AUTS2: variants seen among roughly 807,000 people sequenced by gnomAD.
AUTS2 encodes activator of transcription and developmental regulator AUTS2.
In AUTS2, 17 loss-of-function variants were observed where a neutral mutation model predicts 112.4. The observed-to-expected ratio is 0.15, with a 90% confidence interval of 0.10 to 0.23. AUTS2 has a LOEUF of 0.23. Among genes scored for constraint, AUTS2 ranks in the 10% least tolerant of loss-of-function variants. AUTS2 has a pLI of 1.00. For missense variants in AUTS2, 1,510 were observed against 1,701.6 expected, an observed-to-expected ratio of 0.89 and a Z score of 1.98; for synonymous variants, 751 against 702.7, an observed-to-expected ratio of 1.07 and a Z score of -1.09.
At chr7:70,038,394 G>A (rs1801101208) in intron 2 of AUTS2, among the ~76,000 whole-genome samples, 1 of 152,090 alleles carries the variant, frequency 6.6e-6, no homozygotes, top group South Asian at 2.1e-4. Context: ...TGCCCACACG[G>A]TTTCAAAACT....
At chr7:69,950,556 C>T (rs1046342926) in intron 2 of AUTS2, among the ~76,000 whole-genome samples, 1 of 151,984 alleles carries the variant, frequency 6.6e-6, no homozygotes, top group Non-Finnish European at 1.5e-5. Flanking sequence ...TTATAGGTTG[C>T]TAATTTTTGG....
chr7:69,751,203 G>A (rs1396362746), intron 1 of AUTS2, among the ~76,000 whole-genome samples: 1 of 152,096 alleles, frequency 6.6e-6, no homozygotes, highest in Non-Finnish European at 1.5e-5. Flanking sequence ...ATCTTAATGT[G>A]CATATTGTTG....
intron 4 of AUTS2, among the ~76,000 whole-genome samples, chr7:70,138,564 C>A (rs1562730774): frequency 6.6e-6 from 1 of 152,180 alleles, no homozygotes; most frequent in African/African-American, 2.4e-5. Context: ...TAGCTTGTAT[C>A]CTGCTTTTGT....
At chr7:70,645,649 T>C (rs926643905) in intron 5 of AUTS2, among the ~76,000 whole-genome samples, 1 of 152,206 alleles carries the variant, frequency 6.6e-6, no homozygotes, top group Non-Finnish European at 1.5e-5. Flanking sequence ...TCTTTGCCTT[T>C]GGCTTCTGAC....
chr7:69,688,979 G>C (rs186116373), intron 1 of AUTS2, among the ~76,000 whole-genome samples: 2 of 152,296 alleles, frequency 1.3e-5, no homozygotes, highest in Non-Finnish European at 2.9e-5. Flanking sequence ...TAGATAATTT[G>C]ATTTTCTTTT....
At chr7:70,538,598 A>T (rs191769733) in intron 5 of AUTS2, among the ~76,000 whole-genome samples, 38 of 152,340 alleles carry the variant, frequency 2.5e-4, no homozygotes, top group African/African-American at 8.2e-4. Flanking sequence ...ATAGTCTTTA[A>T]TATCAGGAGG....
At chr7:70,228,529 T>C (rs1047591297) in intron 4 of AUTS2, among the ~76,000 whole-genome samples, 2 of 151,924 alleles carry the variant, frequency 1.3e-5, no homozygotes, top group Non-Finnish European at 2.9e-5. Flanking sequence ...AGGTGTGTTT[T>C]AGTGTATCAT....
chr7:70,111,068 A>G (rs1280151388), intron 2 of AUTS2, among the ~76,000 whole-genome samples: 1 of 150,302 alleles, frequency 6.7e-6, no homozygotes, highest in East Asian at 2.0e-4. Context: ...TTTAGTAGAG[A>G]CGGGGTTTCA....
intron 2 of AUTS2, among the ~76,000 whole-genome samples, chr7:69,955,104 A>G (rs1177335548): frequency 6.6e-6 from 1 of 152,226 alleles, no homozygotes; most frequent in Non-Finnish European, 1.5e-5. Context: ...GCTGTGCTGT[A>G]GGAAGCTGGA....
chr7:69,669,787 G>A (rs868301918), intron 1 of AUTS2, among the ~76,000 whole-genome samples: 15 of 151,874 alleles, frequency 9.9e-5, no homozygotes, highest in Middle Eastern at 3.4e-3. Context: ...AGAAGGATAT[G>A]GCCCTGACAT....
chr7:70,533,362 C>A (rs1381535517), intron 5 of AUTS2, among the ~76,000 whole-genome samples: 1 of 152,168 alleles, frequency 6.6e-6, no homozygotes, highest in African/African-American at 2.4e-5. Context: ...GATCCTCACA[C>A]CTGACCCTCC....
chr7:69,685,552 A>G (rs1042656728), intron 1 of AUTS2, among the ~76,000 whole-genome samples: 2 of 152,162 alleles, frequency 1.3e-5, no homozygotes, highest in African/African-American at 4.8e-5. Context: ...ATTTCTGAAG[A>G]TTAGAATTGA....
intron 2 of AUTS2, among the ~76,000 whole-genome samples, chr7:70,113,663 C>A (rs1241261430): frequency 6.6e-6 from 1 of 152,168 alleles, no homozygotes. Flanking sequence ...TTCTACATTG[C>A]CTGCATAATT....
At chr7:69,889,492 GT>G (rs911167233) in intron 1 of AUTS2, among the ~76,000 whole-genome samples, 1 of 152,152 alleles carries the variant, frequency 6.6e-6, no homozygotes, top group African/African-American at 2.4e-5. Flanking sequence ...AGTACCTCTT[GT>G]CTTTTTGATA....
chr7:69,991,451 C>T (rs1798739209), intron 2 of AUTS2, among the ~76,000 whole-genome samples: 1 of 152,140 alleles, frequency 6.6e-6, no homozygotes, highest in Admixed American at 6.6e-5. Flanking sequence ...TGTGCGAAAA[C>T]CCATCTGAGG....
intron 2 of AUTS2, among the ~76,000 whole-genome samples, chr7:69,924,010 C>T (rs1165248228): frequency 2.0e-5 from 3 of 152,172 alleles, no homozygotes; most frequent in Non-Finnish European, 4.4e-5. Flanking sequence ...ACTGGACACT[C>T]CTGCCCTTTT....
chr7:70,554,313 C>T (rs1397521253), intron 5 of AUTS2, among the ~76,000 whole-genome samples: 1 of 151,812 alleles, frequency 6.6e-6, no homozygotes, highest in African/African-American at 2.4e-5. Context: ...AGGTGATCTG[C>T]CCACCTCAGC....
chr7:69,906,760 T>TA (rs1795164810), intron 2 of AUTS2, among the ~76,000 whole-genome samples: 1 of 152,202 alleles, frequency 6.6e-6, no homozygotes, highest in South Asian at 2.1e-4. Context: ...GAGATTCAGT[T>TA]ATGTATATAC....
At chr7:69,665,808 C>A (rs987835593) in intron 1 of AUTS2, among the ~76,000 whole-genome samples, 3 of 151,714 alleles carry the variant, frequency 2.0e-5, no homozygotes, top group Non-Finnish European at 2.9e-5. Flanking sequence ...ATCAGCTTTA[C>A]ACAAGTGATT....
Sources: gnomAD v4.1 joint callset for allele counts (sites outside exome capture counted in the v4.1 genomes callset) on GRCh38, gnomAD v4.1.1 for gene constraint, MANE v1.5 for transcripts, NCBI Gene and HGNC (gene_info 2026-07-23, HGNC 2026-07-21) for gene names.